GALNT13: variants seen among roughly 807,000 people sequenced by gnomAD.
GALNT13 encodes UDP-GalNAc:polypeptide N-acetylgalactosaminyltransferase 13.
In GALNT13, 28 loss-of-function variants were observed where a neutral mutation model predicts 64.2. The ratio of observed to expected loss-of-function variants is 0.44; its 90% CI spans 0.32 to 0.60. The LOEUF is 0.60. GALNT13 is among the 20% of genes least tolerant of loss of function. The pLI is 0.05. For synonymous variants in GALNT13, 214 were observed against 224.6 expected, an observed-to-expected ratio of 0.95 and a Z score of 0.42; for missense variants, 577 against 669.8, an observed-to-expected ratio of 0.86 and a Z score of 1.53.
chr2:153,100,000 T>C, the GALNT13 span, among the ~76,000 whole-genome samples: 1 of 152,140 alleles, frequency 6.6e-6, no homozygotes, highest in Admixed American at 6.6e-5. Flanking sequence ...TGAAATTGGA[T>C]TGGGAAAAAG....
chr2:153,917,984 C>T (rs1243310388), intron 2 of GALNT13, among the ~76,000 whole-genome samples: 2 of 151,454 alleles, frequency 1.3e-5, no homozygotes, highest in African/African-American at 4.9e-5. Context: ...ACTTCCTTCT[C>T]TCTGTTTTCT....
intron 9 of GALNT13, among the ~76,000 whole-genome samples, chr2:154,376,285 T>G (rs1414298230): frequency 6.6e-6 from 1 of 152,152 alleles, no homozygotes; most frequent in East Asian, 1.9e-4. Flanking sequence ...CTATTTTGAG[T>G]TCAGCTACTT....
intron 9 of GALNT13, among the ~76,000 whole-genome samples, chr2:154,358,049 ATAG>A (rs1183436877): frequency 3.3e-5 from 5 of 152,066 alleles, no homozygotes; most frequent in Non-Finnish European, 2.9e-5. Context: ...TAATACTTCT[ATAG>A]AATGTGAATA....
chr2:154,307,358 T>C (rs1181412016), intron 9 of GALNT13, among the ~76,000 whole-genome samples: 1 of 152,236 alleles, frequency 6.6e-6, no homozygotes, highest in East Asian at 1.9e-4. Context: ...GTTACTTTTA[T>C]ACATTTTGGT....
chr2:153,181,062 C>CT, the GALNT13 span, among the ~76,000 whole-genome samples: 1 of 31,478 alleles, frequency 3.2e-5, no homozygotes, highest in Non-Finnish European at 6.1e-5. Context: ...TGTCATCAGG[C>CT]TTATCCTTTT....
chr2:153,631,296 C>T, the GALNT13 span, among the ~76,000 whole-genome samples: 1 of 152,162 alleles, frequency 6.6e-6, no homozygotes, highest in Non-Finnish European at 1.5e-5. Context: ...TTTATAACAG[C>T]ATGATTTATA....
At chr2:154,238,410 T>G (rs1335074939) in intron 4 of GALNT13, among the ~76,000 whole-genome samples, 1 of 152,004 alleles carries the variant, frequency 6.6e-6, no homozygotes, top group Non-Finnish European at 1.5e-5. Context: ...ATTTAAGTAT[T>G]AAATGGACTC....
chr2:153,234,212 T>C, the GALNT13 span, among the ~76,000 whole-genome samples: 1 of 152,176 alleles, frequency 6.6e-6, no homozygotes, highest in Non-Finnish European at 1.5e-5. Context: ...TTTGGGTCTC[T>C]ACCCTGAAGC....
At chr2:154,439,845 G>A (rs1402776961) in intron 12 of GALNT13, among the ~76,000 whole-genome samples, 1 of 152,024 alleles carries the variant, frequency 6.6e-6, no homozygotes, top group Non-Finnish European at 1.5e-5. Flanking sequence ...CATCTTCTGG[G>A]CCATAATTGA....
At chr2:153,257,465 C>G in the GALNT13 span, among the ~76,000 whole-genome samples, 5 of 152,076 alleles carry the variant, frequency 3.3e-5, no homozygotes, top group Non-Finnish European at 5.9e-5. Flanking sequence ...ATTCAGCCAT[C>G]TTGGCTCCTC....
the GALNT13 span, among the ~76,000 whole-genome samples, chr2:153,620,333 A>C: frequency 1.3e-5 from 2 of 152,026 alleles, no homozygotes; most frequent in African/African-American, 4.8e-5. Flanking sequence ...CATGTTGGTC[A>C]GGCTGGTCTT....
chr2:153,741,570 T>G, the GALNT13 span, among the ~76,000 whole-genome samples: 1 of 152,116 alleles, frequency 6.6e-6, no homozygotes, highest in Non-Finnish European at 1.5e-5. Context: ...GAGTGAAGAA[T>G]CTAGTATATA....
At chr2:154,267,252 C>A (rs1475054760) in intron 8 of GALNT13, among the ~76,000 whole-genome samples, 1 of 151,964 alleles carries the variant, frequency 6.6e-6, no homozygotes, top group East Asian at 1.9e-4. Context: ...CTTGTGTAAC[C>A]ATTGATTAGA....
At chr2:153,883,095 A>G (rs985273717) in intron 1 of GALNT13, among the ~76,000 whole-genome samples, 2 of 145,460 alleles carry the variant, frequency 1.4e-5, no homozygotes, top group Non-Finnish European at 3.0e-5. Context: ...ATATATATAT[A>G]TAATTCTTGA....
chr2:153,403,448 G>A, the GALNT13 span, among the ~76,000 whole-genome samples: 1 of 152,144 alleles, frequency 6.6e-6, no homozygotes, highest in Non-Finnish European at 1.5e-5. Context: ...AGCTGTGGTG[G>A]GCTCCACCCA....
At chr2:153,935,107 T>G (rs1690808144) in intron 2 of GALNT13, among the ~76,000 whole-genome samples, 1 of 152,212 alleles carries the variant, frequency 6.6e-6, no homozygotes, top group Admixed American at 6.5e-5. Flanking sequence ...ACTTGGAGTT[T>G]TGACTTTACT....
At chr2:153,374,784 C>A in the GALNT13 span, among the ~76,000 whole-genome samples, 1 of 152,088 alleles carries the variant, frequency 6.6e-6, no homozygotes, top group Non-Finnish European at 1.5e-5. Context: ...CATATTTTTG[C>A]AGGATCAGGT....
chr2:153,269,081 AT>A, the GALNT13 span, among the ~76,000 whole-genome samples: 5 of 152,206 alleles, frequency 3.3e-5, no homozygotes, highest in Admixed American at 2.0e-4. Context: ...ACTTATGCAA[AT>A]TTCTACAGCT....
chr2:154,062,536 G>A (rs1370153400), intron 3 of GALNT13, among the ~76,000 whole-genome samples: 4 of 152,112 alleles, frequency 2.6e-5, no homozygotes, highest in Non-Finnish European at 5.9e-5. Context: ...CATGTGGAAG[G>A]CAAAGGGGAA....
Sources: gnomAD v4.1 joint callset for allele counts (sites outside exome capture counted in the v4.1 genomes callset) on GRCh38, gnomAD v4.1.1 for gene constraint, MANE v1.5 for transcripts, NCBI Gene and HGNC (gene_info 2026-07-23, HGNC 2026-07-21) for gene names.